CEP120: variants seen among roughly 807,000 people sequenced by gnomAD.
The protein encoded by CEP120 is centrosomal protein 120.
Under a neutral mutation model 126.5 loss-of-function variants are expected in CEP120, and 113 were observed. The observed-to-expected ratio is 0.89, with a 90% CI of 0.77 to 1.04. The LOEUF is 1.04. Ranked by LOEUF, CEP120 falls within the 50% of genes least tolerant of loss-of-function variation. The probability of loss-of-function intolerance (pLI) is 0.00; values close to 1 mark genes in which losing one functional copy is unlikely to be tolerated. For missense variants in CEP120, 1,230 were observed against 1,155.7 expected (o/e 1.06, Z -0.93); for synonymous variants, 400 against 394.3 (o/e 1.01, Z -0.17).
chr5:123,371,473 T>C (rs1770849714), intron 17 of CEP120, among the ~76,000 whole-genome samples: 1 of 151,910 alleles, frequency 6.6e-6, no homozygotes, highest in Non-Finnish European at 1.5e-5. Context: ...GTTTCAATTA[T>C]CTCCCACCGG....
intron 4 of CEP120, chr5:123,403,431 G>A: frequency 2.5e-6 from 1 of 399,092 alleles, no homozygotes; most frequent in South Asian, 1.8e-5. Flanking sequence ...CCAAATCTGG[G>A]ACAAACAATT....
At chr5:123,378,527 A>G (rs1279017172) in intron 14 of CEP120, 99 bp from the exon 15 acceptor site, 2 of 604,032 alleles carry the variant, frequency 3.3e-6, no homozygotes, top group Non-Finnish European at 5.3e-6. Flanking sequence ...ACTGAAACAG[A>G]GGACCTAAGA....
chr5:123,422,671 A>G lies in CEP120; in HGVS notation c.49+279T>C, dbSNP rs1774796682. 3 of 858,262 alleles carry G rather than the reference A, an allele frequency of 3.5e-6. No individual in the cohort carries two copies. The East Asian group carries it at 7.9e-5, about 23-fold the overall frequency. 53.2% of individuals were successfully genotyped at this position (858,262 alleles called of 1,614,324 possible). On this transcript the variant is annotated intron_variant, in intron 1 of 19. Transcript: ENST00000306467. ...CACGTTCAGCTCATATATAAAAGCC[A>G]TCGACGTGCTGCTTTGGATGAAAAT...
Position 123,346,317 on chromosome 5 carries a change from T to C in CEP120, c.*202A>G. 2.2e-6 allele frequency: 1 copy of C among 451,102 alleles called. No homozygotes were observed. The highest frequency in any genetic ancestry group is 5.0e-5 in the South Asian group (1 of 20,128). The allele number at this position is 451,102 out of a possible 1,614,324, so 27.9% of individuals were successfully genotyped here. A position where few individuals can be genotyped will look rare whatever the true frequency, so the allele number is the denominator to read the frequency against. On this transcript the variant is annotated 3_prime_UTR_variant, in exon 20 of 20. Transcript: ENST00000306467. ...AAGTCATTTAAAATGAGTATATAAA[T>C]GCAAATTACAAATAAAACCAGTGTG...
At chr5:123,362,302 A>G (rs1339144380) in intron 18 of CEP120, among the ~76,000 whole-genome samples, 1 of 151,780 alleles carries the variant, frequency 6.6e-6, no homozygotes, top group African/African-American at 2.4e-5. Flanking sequence ...TACTCTCGTC[A>G]GAGTGGCTAA....
In CEP120 at chr5:123,391,113, G is replaced by C. The variant is rs1285379535; in HGVS notation, c.1035C>G (p.Ser345=). 1.2e-6 allele frequency: 2 copies of C among 1,610,548 alleles called. No homozygotes were observed. Among genetic ancestry groups the C allele is most frequent in the Non-Finnish European group, 1.7e-6 (2 of 1,177,772 alleles). Residue 345 remains serine (S), a synonymous_variant, in exon 7 of 20, where the codon TCC becomes TCG. Transcript: ENST00000306467. ...SVALQREGID[S]QSLIELKTQN... Reference sequence around the variant, plus strand: ...ATGAAGGAGGGCCACTACTTGCCTGGGAGTCTATGCCTTCTCTCTGCAGAG... The same window carrying C: ...ATGAAGGAGGGCCACTACTTGCCTGCGAGTCTATGCCTTCTCTCTGCAGAG...
At position 123,372,772 on chromosome 5, in the gene CEP120, G is replaced by A. The variant is rs775625012; in HGVS notation, c.2359C>T (p.Leu787Phe). 1 of 1,593,186 alleles carries A rather than the reference G, an allele frequency of 6.3e-7. No homozygotes were observed. The highest frequency in any genetic ancestry group is 1.1e-5 in the South Asian group (1 of 87,406). Reference protein sequence around the residue: ...EEDKHRLQQQLNDAENKYKIL... With the variant: ...EEDKHRLQQQFNDAENKYKIL... Reference sequence around the variant, plus strand: ...TTATACTTATTTTCAGCATCATTAAGCTGTATTAAAAAAAGTTTAGCCATT... The same window carrying A: ...TTATACTTATTTTCAGCATCATTAAACTGTATTAAAAAAAGTTTAGCCATT... Residue 787 changes from leucine (L) to phenylalanine (F), a missense_variant and splice_region_variant, in exon 17 of 20, where the codon CTT becomes TTT. Transcript: ENST00000306467.
At chr5:123,422,650 TTCAGCTCATATATAAAA>T in intron 1 of CEP120, 2 of 1,011,032 alleles carry the variant, frequency 2.0e-6, no homozygotes, top group Non-Finnish European at 3.0e-6. Flanking sequence ...CAGGACCACG[TTCAGCTCATATATAAAA>T]GCCATCGACG....
rs1371851616 is a variant in CEP120, at chr5:123,383,040, T to C, written c.1806A>G (p.Leu602=). ...RIADLSYTVT[L]EDYGLVKMRE... ...GCATTTTTACTAGTCCATAATCTTC[T>C]AGAGTCACTGTGTAAGAAAGATCTG... is the stretch of plus-strand genomic sequence containing the variant. Residue 602 remains leucine, a synonymous_variant, in exon 12 of 20, where the codon CTA becomes CTG. Transcript: ENST00000306467. The C allele has an allele frequency of 2.5e-6, 4 of 1,581,812 alleles. No individual in the cohort carries two copies. Among genetic ancestry groups the C allele is most frequent in the South Asian group, 1.1e-5 (1 of 89,576 alleles).
chr5:123,403,755 T>C (rs997251135), intron 4 of CEP120: 1 of 419,294 alleles, frequency 2.4e-6, no homozygotes, highest in Admixed American at 2.9e-5. Flanking sequence ...CAAAGATGCA[T>C]AAGCTAAATC....
chr5:123,355,106 G>A (rs1240431921), intron 18 of CEP120, among the ~76,000 whole-genome samples: 3 of 151,932 alleles, frequency 2.0e-5, no homozygotes, highest in Non-Finnish European at 2.9e-5. Flanking sequence ...CCCTACAAGG[G>A]ACATGAACTC....
intron 3 of CEP120, 72 bp from the exon 4 acceptor site, chr5:123,412,612 G>T: frequency 9.6e-7 from 1 of 1,038,462 alleles, no homozygotes; most frequent in Non-Finnish European, 1.3e-6. Context: ...ATGCTATACA[G>T]TTCTAAATAA....
At chr5:123,364,617 C>G in intron 17 of CEP120, 23 bp from the exon 18 acceptor site, 2 of 1,410,160 alleles carry the variant, frequency 1.4e-6, no homozygotes, top group Non-Finnish European at 2.0e-6. Context: ...AAAATCATAT[C>G]AAGTGAAACA....
At position 123,391,127 on chromosome 5, in the gene CEP120, C is replaced by T; in HGVS notation, c.1021G>A (p.Glu341Lys). ...CTACTTGCCTGGGAGTCTATGCCTT[C>T]TCTCTGCAGAGCCACAGACACTCCC... ...TVGVSVALQR[E>K]GIDSQSLIEL... Residue 341 changes from glutamate (E) to lysine (K), a missense_variant, in exon 7 of 20, where the codon GAA becomes AAA. Transcript: ENST00000306467. 2 of 1,613,702 alleles carry T rather than the reference C, an allele frequency of 1.2e-6. No homozygotes were observed. The highest frequency in any genetic ancestry group is 1.7e-6 in the Non-Finnish European group (2 of 1,179,722).
intron 17 of CEP120, among the ~76,000 whole-genome samples, chr5:123,369,455 G>T (rs575451230): frequency 6.6e-6 from 1 of 152,014 alleles, no homozygotes; most frequent in Non-Finnish European, 1.5e-5. Context: ...AACTCTATTA[G>T]AATAAAAACC....
chr5:123,369,088 A>G (rs969032692), intron 17 of CEP120, among the ~76,000 whole-genome samples: 1 of 151,916 alleles, frequency 6.6e-6, no homozygotes, highest in Admixed American at 6.6e-5. Flanking sequence ...ATGGGTCATA[A>G]GCCGAAGAGA....
chr5:123,404,102 C>T (rs1037039291), intron 4 of CEP120, among the ~76,000 whole-genome samples: 1 of 152,186 alleles, frequency 6.6e-6, no homozygotes, highest in Admixed American at 6.5e-5. Flanking sequence ...ATAAATACTC[C>T]AAATATTCAG....
intron 16 of CEP120, among the ~76,000 whole-genome samples, chr5:123,376,410 A>C (rs1434167067): frequency 5.3e-5 from 8 of 152,094 alleles, no homozygotes; most frequent in African/African-American, 1.9e-4. Flanking sequence ...CAGCACAGGC[A>C]CAAGAGTGGG....
chr5:123,400,757 A>AG lies in CEP120; in HGVS notation c.464-1474dup, dbSNP rs370820670. ...GTTTTGTAGCTGGAGGCATGGGCAA[A>AG]GGGGGGGTCCCCAGGCAGTAAACTC... On this transcript the variant is annotated intron_variant, in intron 4 of 19. Coordinates refer to ENST00000306467, the MANE Select transcript of CEP120 (RefSeq NM_001375405.1). Among the ~76,000 whole-genome samples, 470 of 148,592 alleles carry AG rather than the reference A, an allele frequency of 3.2e-3. 4 individuals carry two copies. The highest frequency in any genetic ancestry group is 0.011 in the African/African-American group (436 of 40,340).
Sources: gnomAD v4.1 joint callset for allele counts (sites outside exome capture counted in the v4.1 genomes callset) on GRCh38, gnomAD v4.1.1 for gene constraint, MANE v1.5 for transcripts, NCBI Gene and HGNC (gene_info 2026-07-23, HGNC 2026-07-21) for gene names.